SCMH1: variants seen among roughly 807,000 people sequenced by gnomAD.
SCMH1 encodes polycomb protein SCMH1.
Under a neutral mutation model 70.8 loss-of-function variants are expected in SCMH1, and 37 were observed. The ratio of observed to expected loss-of-function variants is 0.52; its 90% CI spans 0.40 to 0.69. The LOEUF (loss-of-function observed/expected upper bound fraction) is 0.69. SCMH1 is among the 30% of genes least tolerant of loss of function. The probability of loss-of-function intolerance (pLI) is 0.00; values close to 1 mark genes in which losing one functional copy is unlikely to be tolerated. For synonymous variants in SCMH1, 292 were observed against 307.4 expected, an observed-to-expected ratio of 0.95 and a Z score of 0.52; for missense variants, 607 against 827.3, an observed-to-expected ratio of 0.73 and a Z score of 3.27.
rs1644976623 is a variant in SCMH1 at position 41,150,544 on chromosome 1, G to A, written c.177+1070C>T. 3.3e-5 allele frequency among the ~76,000 whole-genome samples: 5 copies of A among 152,070 alleles called. No homozygotes were observed. The South Asian group carries it at 1.0e-3, about 32-fold the overall frequency. On this transcript the variant is annotated intron_variant, in intron 5 of 14. Coordinates refer to ENST00000337495, the Ensembl canonical transcript of SCMH1. ...AAACAAACCATTATTAACATATGTT[G>A]TCTTTTTAAATAAATTGTTTCAGGT...
intron 10 of SCMH1, among the ~76,000 whole-genome samples, chr1:41,066,087 A>C (rs1014554784): frequency 1.3e-5 from 2 of 152,154 alleles, no homozygotes; most frequent in African/African-American, 2.4e-5. Context: ...AATTTTCCCT[A>C]ACACCTCATT....
In SCMH1 at chr1:41,075,451, A is replaced by G. The variant is rs140590267; in HGVS notation, c.746T>C (p.Val249Ala). ...AGGATAGGGATTCTTTGGAATCACA[A>G]CTGCAAGAAAAAGACTCATTCTATC... The change falls in exon 9 of 15, where the codon GTT becomes GCT. Residue 249 changes from valine to alanine, a missense_variant and splice_region_variant. Coordinates refer to ENST00000337495, the Ensembl canonical transcript of SCMH1. 943 of 1,613,008 alleles carry G rather than the reference A, an allele frequency of 5.8e-4. 1 individual carries two copies. The highest frequency in any genetic ancestry group is 9.7e-4 in the Admixed American group (58 of 60,000).
At chr1:41,233,394 C>T (rs1004133956) in intron 1 of SCMH1, among the ~76,000 whole-genome samples, 6 of 151,984 alleles carry the variant, frequency 3.9e-5, no homozygotes, top group Non-Finnish European at 7.4e-5. Context: ...CCAGAAAGTA[C>T]AGAAGAATAA....
intron 1 of SCMH1, among the ~76,000 whole-genome samples, chr1:41,230,352 A>G (rs1257494218): frequency 6.6e-6 from 1 of 152,168 alleles, no homozygotes; most frequent in Non-Finnish European, 1.5e-5. Flanking sequence ...GCAATGAACT[A>G]AAAATGGAGA....
intron 8 of SCMH1, among the ~76,000 whole-genome samples, chr1:41,110,240 C>T (rs1668936138): frequency 6.6e-6 from 1 of 152,214 alleles, no homozygotes; most frequent in African/African-American, 2.4e-5. Flanking sequence ...CTCATTTCTT[C>T]CTTGTCCACA....
chr1:41,120,038 G>C (rs1671538024), intron 6 of SCMH1, among the ~76,000 whole-genome samples: 2 of 152,272 alleles, frequency 1.3e-5, no homozygotes, highest in Non-Finnish European at 2.9e-5. Flanking sequence ...TGAGTGGTTT[G>C]GTACACCTAT....
chr1:41,028,722 C>G (rs545780309), exon 14 of SCMH1: 1 of 1,613,824 alleles, frequency 6.2e-7, no homozygotes. Flanking sequence ...GGTATCGGTC[C>G]GACCCTGCAG....
intron 1 of SCMH1, among the ~76,000 whole-genome samples, chr1:41,200,519 A>T (rs202101858): frequency 3.1e-4 from 46 of 146,698 alleles, no homozygotes; most frequent in South Asian, 1.9e-3. Flanking sequence ...ATAATAATAT[A>T]ATAATAATAA....
intron 13 of SCMH1, among the ~76,000 whole-genome samples, chr1:41,030,229 AAAAC>A (rs1389394074): frequency 2.0e-5 from 3 of 152,098 alleles, no homozygotes; most frequent in Non-Finnish European, 4.4e-5. Flanking sequence ...AACAAAAACA[AAAAC>A]AAAAAGAGCA....
At chr1:41,057,563 T>C (rs1307227640) in intron 10 of SCMH1, among the ~76,000 whole-genome samples, 1 of 152,088 alleles carries the variant, frequency 6.6e-6, no homozygotes, top group African/African-American at 2.4e-5. Flanking sequence ...CCATGGTTCC[T>C]TTTACCCAGT....
chr1:41,151,609 A>G lies in SCMH1; in HGVS notation c.177+5T>C, dbSNP rs751924644. 2 of 1,604,714 alleles carry G rather than the reference A, an allele frequency of 1.2e-6. No individual in the cohort carries two copies. Among genetic ancestry groups the G allele is most frequent in the Non-Finnish European group, 1.7e-6 (2 of 1,175,166 alleles). On this transcript the variant is annotated splice_donor_5th_base_variant and intron_variant, in intron 5 of 14. Transcript: ENST00000337495. Reference sequence around the variant, plus strand: ...CACCTACTAAAGATGTTGAAAATCAATTACCTGCTTGAAGCAATGGACAGG... The same window carrying G: ...CACCTACTAAAGATGTTGAAAATCAGTTACCTGCTTGAAGCAATGGACAGG...
intron 6 of SCMH1, among the ~76,000 whole-genome samples, chr1:41,119,704 C>G (rs1030695102): frequency 2.0e-5 from 3 of 152,142 alleles, no homozygotes; most frequent in South Asian, 2.1e-4. Flanking sequence ...TTGGGCACTG[C>G]TACATGGAGA....
Position 41,089,787 on chromosome 1 carries a change from CTTTTTT to C in SCMH1, c.746-14342_746-14337del, listed in dbSNP as rs373229472. Among the ~76,000 whole-genome samples the C allele has an allele frequency of 6.5e-3, 381 of 58,770 alleles. 11 individuals are homozygous for C. The highest frequency in any genetic ancestry group is 0.016 in the Admixed American group (67 of 4,156). 38.6% of individuals were successfully genotyped at this position (58,770 alleles called of 152,430 possible). ...TTATTCCACTCTAACCATGTTGTCT[CTTTTTT>C]TTTTTTTTTTTTTTTTGAGACAGAG... On this transcript the variant is annotated intron_variant, in intron 8 of 14. Coordinates refer to ENST00000337495, the Ensembl canonical transcript of SCMH1.
intron 10 of SCMH1, among the ~76,000 whole-genome samples, chr1:41,050,794 T>G (rs1474483269): frequency 6.6e-6 from 1 of 152,014 alleles, no homozygotes; most frequent in Non-Finnish European, 1.5e-5. Flanking sequence ...AGAACCACGC[T>G]CTCATAATTT....
intron 8 of SCMH1, chr1:41,098,935 C>T: frequency 3.8e-6 from 1 of 261,682 alleles, no homozygotes; most frequent in South Asian, 5.5e-5. Flanking sequence ...CTGGGTCAGC[C>T]ATGAAGAAGA....
intron 2 of SCMH1, among the ~76,000 whole-genome samples, chr1:41,181,095 G>A (rs1210192860): frequency 6.6e-6 from 1 of 152,082 alleles, no homozygotes; most frequent in African/African-American, 2.4e-5. Context: ...TAAGAAATGG[G>A]GAAACGATTC....
At chr1:41,029,490 G>A (rs145207525) in intron 13 of SCMH1, among the ~76,000 whole-genome samples, 21 of 152,270 alleles carry the variant, frequency 1.4e-4, no homozygotes, top group African/African-American at 4.3e-4. Context: ...GTGAACCACC[G>A]CGCCCAGCCA....
chr1:41,183,673 T>C (rs1301114494), intron 2 of SCMH1, among the ~76,000 whole-genome samples: 2 of 152,158 alleles, frequency 1.3e-5, no homozygotes, highest in Non-Finnish European at 2.9e-5. Context: ...AGTTGTCTTT[T>C]TACTAAATGC....
At chr1:41,067,836 A>G (rs1031718939) in intron 10 of SCMH1, among the ~76,000 whole-genome samples, 16 of 152,234 alleles carry the variant, frequency 1.1e-4, no homozygotes, top group African/African-American at 3.1e-4. Flanking sequence ...AAATTCATCA[A>G]TTCTAAGAAA....
Sources: gnomAD v4.1 joint callset for allele counts (sites outside exome capture counted in the v4.1 genomes callset) on GRCh38, gnomAD v4.1.1 for gene constraint, MANE v1.5 for transcripts, NCBI Gene and HGNC (gene_info 2026-07-23, HGNC 2026-07-21) for gene names.